FHL1: variants seen among roughly 807,000 people sequenced by gnomAD.
FHL1 encodes the protein four and a half LIM domains protein 1.
In FHL1, 1 loss-of-function variant was observed where a neutral mutation model predicts 20.3. The observed-to-expected ratio is 0.05, with a 90% CI of 0.02 to 0.23. FHL1 has a LOEUF of 0.23. FHL1 is among the 10% of genes least tolerant of loss of function. The pLI, the probability that FHL1 is intolerant of heterozygous loss-of-function variation, is 1.00. For missense variants in FHL1, 177 were observed against 234.0 expected, an observed-to-expected ratio of 0.76 and a Z score of 1.59; for synonymous variants, 82 against 88.9, an observed-to-expected ratio of 0.92 and a Z score of 0.44.
intron 1 of FHL1, among the ~76,000 whole-genome samples, chrX:136,200,190 A>G (rs1717747534): frequency 8.9e-6 from 1 of 111,916 alleles, no homozygotes; most frequent in Non-Finnish European, 1.9e-5. Flanking sequence ...AATGTCTAAA[A>G]TTTTATCACC....
upstream of FHL1, chrX:136,169,508 A>AAG (rs1168825491): frequency 4.0e-4 from 77 of 192,473 alleles, 2 homozygotes; most frequent in Middle Eastern, 3.5e-3. Context: ...AAGATGTTAA[A>AAG]AGAGAGAGAG....
intron 2 of FHL1, among the ~76,000 whole-genome samples, chrX:136,191,020 A>G (rs17001875): frequency 0.02 from 2,192 of 111,510 alleles, 43 homozygotes; most frequent in African/African-American, 0.065. Flanking sequence ...GGAGGAGCCT[A>G]TACTCTGTCC....
chrX:136,193,314 C>T (rs2073477199), upstream of FHL1, among the ~76,000 whole-genome samples: 1 of 111,859 alleles, frequency 8.9e-6, no homozygotes, highest in South Asian at 3.8e-4. Context: ...CTAAGTGGGT[C>T]ACTGAATTTG....
intron 5 of FHL1, among the ~76,000 whole-genome samples, 172 bp downstream of exon 5, chrX:136,208,813 G>T (rs184701331): frequency 5.3e-4 from 58 of 109,783 alleles, no homozygotes; most frequent in Admixed American, 4.8e-4. Flanking sequence ...CCCAGGCCAG[G>T]TTAGCCTTTG....
intron 1 of FHL1, among the ~76,000 whole-genome samples, chrX:136,160,594 T>C (rs1234028093): frequency 9.0e-6 from 1 of 111,657 alleles, no homozygotes; most frequent in Non-Finnish European, 1.9e-5. Flanking sequence ...ACCCATCTAA[T>C]GTTTTAGTTT....
intron 1 of FHL1, among the ~76,000 whole-genome samples, chrX:136,156,717 C>G (rs1047743279): frequency 8.9e-6 from 1 of 112,073 alleles, no homozygotes; most frequent in Admixed American, 9.5e-5. Context: ...AATTTCTATA[C>G]TTGATTAATT....
intron 1 of FHL1, among the ~76,000 whole-genome samples, chrX:136,154,709 TC>T (rs1348720620): frequency 9.0e-6 from 1 of 110,687 alleles, no homozygotes; most frequent in African/African-American, 3.3e-5. Flanking sequence ...TAATCTGGCA[TC>T]TTTTTTTTTT....
chrX:136,207,914 A>T lies in FHL1; in HGVS notation c.502A>T (p.Thr168Ser), dbSNP rs2073890274. ...TAAAGGGGAGGACTTCTACTGCGTG[A>T]CTTGCCATGAGACCAAGTTTGCCAA... Reference protein sequence around the residue: ...FPKGEDFYCVTCHETKFAKHC... With the variant: ...FPKGEDFYCVSCHETKFAKHC... The change falls in exon 4 of 6, where the codon ACT (threonine) becomes TCT (serine). Residue 168 changes from threonine to serine, a missense_variant. By Grantham distance (58) the Thr-to-Ser change is moderately conservative (BLOSUM62 1). Coordinates refer to ENST00000370683, the MANE Select transcript of FHL1 (RefSeq NM_001159699.2). 12 of 1,212,336 alleles carry T rather than the reference A, an allele frequency of 9.9e-6. No homozygotes were observed. Among genetic ancestry groups the T allele is most frequent in the Middle Eastern group, 2.3e-4 (1 of 4,354 alleles).
intron 2 of FHL1, among the ~76,000 whole-genome samples, chrX:136,178,214 GA>G (rs1462989019): frequency 9.0e-6 from 1 of 111,580 alleles, no homozygotes; most frequent in Non-Finnish European, 1.9e-5. Flanking sequence ...CCAGTGTGGT[GA>G]ACTGTGCTAA....
upstream of FHL1, among the ~76,000 whole-genome samples, chrX:136,195,413 C>A (rs1281511570): frequency 6.2e-5 from 7 of 112,258 alleles, no homozygotes; most frequent in Non-Finnish European, 9.4e-5. Flanking sequence ...TGAAAAGTTT[C>A]AGTTTATTTT....
rs1346789944 is a variant in FHL1, at chrX:136,207,682, C to G, written c.380-110C>G. ...TTAGTTGGAGGTGTGAGGCCAGTAACTGCAGGGCCTGCATCCCCTCACCTC... is the reference window on the plus strand; with the variant it reads ...TTAGTTGGAGGTGTGAGGCCAGTAAGTGCAGGGCCTGCATCCCCTCACCTC... On this transcript the variant is annotated intron_variant, in intron 3 of 5. Transcript: ENST00000370683. 1.4e-5 allele frequency: 12 copies of G among 829,500 alleles called. No homozygotes were observed. The East Asian group carries it at 3.9e-4, about 27-fold the overall frequency. The allele number at this position is 829,500 out of a possible 1,213,427, so 68.4% of individuals were successfully genotyped here. A position where few individuals can be genotyped will look rare whatever the true frequency, so the allele number is the denominator to read the frequency against.
upstream of FHL1, chrX:136,146,707 G>A (rs1285639755): frequency 3.2e-6 from 1 of 316,845 alleles, no homozygotes; most frequent in Non-Finnish European, 6.1e-6. Context: ...ACTGTCTGCA[G>A]ACAACGCTGT....
intron 2 of FHL1, among the ~76,000 whole-genome samples, chrX:136,185,984 T>C (rs2073277352): frequency 8.9e-6 from 1 of 111,743 alleles, no homozygotes; most frequent in African/African-American, 3.3e-5. Context: ...AAGCCACCTT[T>C]CATTTTTTTT....
chrX:136,179,476 G>A (rs758461677), intron 2 of FHL1, among the ~76,000 whole-genome samples: 2 of 111,720 alleles, frequency 1.8e-5, no homozygotes, highest in Non-Finnish European at 3.8e-5. Context: ...GCAATCTAAG[G>A]CACAAAGAGT....
chrX:136,183,232 A>G (rs1302530713), intron 2 of FHL1, among the ~76,000 whole-genome samples: 2 of 112,005 alleles, frequency 1.8e-5, no homozygotes, highest in East Asian at 2.8e-4. Context: ...TAGAGCGTGA[A>G]TTAAAAATAA....
At chrX:136,161,849 G>A (rs1051559233) in intron 1 of FHL1, among the ~76,000 whole-genome samples, 8 of 112,076 alleles carry the variant, frequency 7.1e-5, no homozygotes, top group African/African-American at 1.6e-4. Flanking sequence ...AAGGCCGGGC[G>A]TGGTGGCTCA....
intron 2 of FHL1, among the ~76,000 whole-genome samples, chrX:136,179,806 T>C (rs1000856414): frequency 3.6e-5 from 4 of 111,746 alleles, no homozygotes; most frequent in African/African-American, 1.3e-4. Flanking sequence ...TAGCATGACA[T>C]TATTTCTTCC....
At chrX:136,163,887 AG>A (rs2072641639) in intron 1 of FHL1, among the ~76,000 whole-genome samples, 1 of 112,343 alleles carries the variant, frequency 8.9e-6, no homozygotes, top group East Asian at 2.8e-4. Flanking sequence ...TTTTAAGGAA[AG>A]AATGCTTGGA....
chrX:136,207,030 G>A lies in FHL1; in HGVS notation c.219G>A (p.Lys73=). 1 of 1,211,053 alleles carries A rather than the reference G, an allele frequency of 8.3e-7. No individual in the cohort carries two copies. Among genetic ancestry groups the A allele is most frequent in the Admixed American group, 2.2e-5 (1 of 46,051 alleles). ...IGADSKEVHY[K]NRFWHDTCFR... is the part of the protein sequence containing the mutation. ...TTGGTTTCCAGGAGGTGCACTATAA[G>A]AACCGCTTCTGGCATGACACCTGCT... is the stretch of plus-strand genomic sequence containing the variant. The change falls in exon 3 of 6, where the codon AAG becomes AAA. Residue 73 remains lysine (K), a synonymous_variant. Transcript: ENST00000370683.
Sources: allele counts gnomAD v4.1 joint callset (sites outside exome capture counted in the v4.1 genomes callset), GRCh38; gene constraint gnomAD v4.1.1; transcripts MANE v1.5; gene names NCBI Gene and HGNC (gene_info 2026-07-23, HGNC 2026-07-21).